Variants in NHSL1 observed in about 807,000 individuals in gnomAD.
NHSL1 encodes the protein NHS like 1, also known as NHS-like protein 1.
NHSL1 carries 48 observed loss-of-function variants against 95.0 expected under a neutral mutation model. The ratio of observed to expected loss-of-function variants is 0.51; its 90% confidence interval spans 0.40 to 0.64. NHSL1 has a LOEUF of 0.64. Among genes scored for constraint, NHSL1 ranks in the 30% least tolerant of loss-of-function variants. The pLI is 0.00. For missense variants in NHSL1, 1,971 were observed against 2,077.7 expected (o/e 0.95, Z 1.00); for synonymous variants, 783 against 833.9 (o/e 0.94, Z 1.05).
intron 5 of NHSL1, among the ~76,000 whole-genome samples, chr6:138,434,491 A>G (rs1379870473): frequency 1.3e-5 from 2 of 152,128 alleles, no homozygotes; most frequent in African/African-American, 2.4e-5. Context: ...CTTTAAGTGT[A>G]AACAGTTAGA....
At chr6:138,573,280 G>A (rs543706366), upstream of NHSL1, among the ~76,000 whole-genome samples, 1 of 152,094 alleles carries the variant, frequency 6.6e-6, no homozygotes. Context: ...ACAATTCCAC[G>A]GTCCTAGGGG....
chr6:138,483,518 AG>A (rs1779547047), intron 2 of NHSL1, among the ~76,000 whole-genome samples: 1 of 152,138 alleles, frequency 6.6e-6, no homozygotes, highest in African/African-American at 2.4e-5. Context: ...AAATGCTTGG[AG>A]GGTTCTTACA....
At chr6:138,539,374 A>T (rs1408079220) in intron 1 of NHSL1, among the ~76,000 whole-genome samples, 2 of 152,226 alleles carry the variant, frequency 1.3e-5, no homozygotes, top group African/African-American at 4.8e-5. Flanking sequence ...ATACCCCTGC[A>T]TACATCTGTA....
In NHSL1 at chr6:138,430,666, C is replaced by T. The variant is rs1266553725; in HGVS notation, c.3679G>A (p.Val1227Met). 1 of 1,551,544 alleles carries T rather than the reference C, an allele frequency of 6.4e-7. No individual in the cohort carries two copies. The highest frequency in any genetic ancestry group is 1.4e-5 in the African/African-American group (1 of 73,064). The change falls in exon 6 of 8, where the codon GTG (valine) becomes ATG (methionine). Residue 1227 changes from valine to methionine, a missense_variant. Val to Met is a conservative substitution (Grantham distance 21). Coordinates refer to ENST00000343505, the MANE Select transcript of NHSL1 (RefSeq NM_001144060.2). This position sits in a 1 kb window ranked among gnomAD's most constrained non-coding sequence, Gnocchi z 4.7. ...AENVSEALRA[V>M]PSPTTGEEGS... ...TCCTCTCCCGTCGTGGGGCTGGGCACAGCTCGGAGGGCTTCGCTCACGTTC... is the reference window on the plus strand; with the variant it reads ...TCCTCTCCCGTCGTGGGGCTGGGCATAGCTCGGAGGGCTTCGCTCACGTTC...
intron 1 of NHSL1, among the ~76,000 whole-genome samples, chr6:138,616,290 T>C (rs1397175876): frequency 6.6e-6 from 1 of 152,166 alleles, no homozygotes; most frequent in African/African-American, 2.4e-5. Flanking sequence ...ATTTTCAAAG[T>C]GTGACTTCAT....
chr6:138,432,653 G>C lies in NHSL1; in HGVS notation c.1692C>G (p.Ser564=). The C allele has an allele frequency of 6.4e-7, 1 of 1,551,712 alleles. No individual in the cohort carries two copies. The highest frequency in any genetic ancestry group is 8.7e-7 in the Non-Finnish European group (1 of 1,146,990). The change falls in exon 6 of 8, where the codon TCC becomes TCG. Residue 564 remains serine, a synonymous_variant. Transcript: ENST00000343505. The surrounding 1 kb of genome is among the most constrained non-coding windows in gnomAD (Gnocchi z 4.4). ...EYKSSGNGRA[S]PLKPHLATPG... ...GAGTTGCTAAATGCGGCTTCAGGGG[G>C]GATGCCCTTCCATTACCTGAGGATT...
At chr6:138,639,863 A>G (rs570915749) in intron 1 of NHSL1, among the ~76,000 whole-genome samples, 18 of 147,006 alleles carry the variant, frequency 1.2e-4, no homozygotes, top group Non-Finnish European at 2.1e-4. Flanking sequence ...TCTCATTCTT[A>G]CAAACCATTT....
chr6:138,670,732 A>T (rs1331632530), intron 1 of NHSL1, among the ~76,000 whole-genome samples: 1 of 152,132 alleles, frequency 6.6e-6, no homozygotes, highest in Non-Finnish European at 1.5e-5. Context: ...GTACATCAAT[A>T]AACTAAAAGC....
At chr6:138,677,410 C>G (rs1341595152) in intron 1 of NHSL1, among the ~76,000 whole-genome samples, 1 of 152,108 alleles carries the variant, frequency 6.6e-6, no homozygotes, top group Non-Finnish European at 1.5e-5. Context: ...AAAGGGAAAT[C>G]AAGAGAGGTT....
rs1183104820 is a variant in NHSL1, at chr6:138,424,070, C to T, written c.*11G>A. On this transcript the variant is annotated 3_prime_UTR_variant, in exon 8 of 8. Transcript: ENST00000343505. The surrounding 1 kb of genome is among the most constrained non-coding windows in gnomAD (Gnocchi z 5.9). ...CCCCCCGTGTCACCTGGGAGAGTTA[C>T]GTTCTTGGCCCTAACTCTCCTCGCT... 8 of 1,363,246 alleles carry T rather than the reference C, an allele frequency of 5.9e-6. No homozygotes were observed. The South Asian group carries it at 6.2e-5, about 11-fold the overall frequency. The allele number at this position is 1,363,246 out of a possible 1,614,324, so 84.4% of individuals were successfully genotyped here.
At position 138,692,451 on chromosome 6, in the gene NHSL1, C is replaced by T; in HGVS notation, c.96+25G>A. ...CCGGGTGCCTCCCCCGCCGGTTCCC[C>T]TCCCCCGGCCCGCCGGCCACTCACG... On this transcript the variant is annotated intron_variant, in intron 1 of 3. Coordinates refer to the NHSL1 transcript ENST00000491526. The surrounding 1 kb of genome is among the most constrained non-coding windows in gnomAD (Gnocchi z 4.0). 1 of 205,524 alleles carries T rather than the reference C, an allele frequency of 4.9e-6. No individual in the cohort carries two copies. Among genetic ancestry groups the T allele is most frequent in the South Asian group, 7.0e-5 (1 of 14,288 alleles). The allele number at this position is 205,524 out of a possible 1,614,324, so 12.7% of individuals were successfully genotyped here.
chr6:138,605,065 A>G (rs6570246), intron 1 of NHSL1, among the ~76,000 whole-genome samples: 1,779 of 152,340 alleles, frequency 0.012, 27 homozygotes, highest in African/African-American at 0.041. Context: ...AAAATAGTAC[A>G]GAGATTGGTA....
chr6:138,545,147 C>T (rs565428994), intron 1 of NHSL1, among the ~76,000 whole-genome samples: 1 of 152,020 alleles, frequency 6.6e-6, no homozygotes, highest in Non-Finnish European at 1.5e-5. Flanking sequence ...CCCGCCACCA[C>T]GCCCAGCCTA....
chr6:138,598,442 A>C (rs1224321130), intron 1 of NHSL1, among the ~76,000 whole-genome samples: 1 of 146,018 alleles, frequency 6.8e-6, no homozygotes, highest in East Asian at 2.0e-4. Context: ...TGGGTGGCAG[A>C]GCAAGACTCC....
At chr6:138,491,188 T>G (rs1273451678) in intron 2 of NHSL1, among the ~76,000 whole-genome samples, 1 of 152,198 alleles carries the variant, frequency 6.6e-6, no homozygotes, top group East Asian at 1.9e-4. Context: ...GAGCTGTGAC[T>G]AGAGAACATT....
chr6:138,439,721 G>C (rs551371010), intron 5 of NHSL1, among the ~76,000 whole-genome samples: 6 of 152,054 alleles, frequency 3.9e-5, no homozygotes, highest in Non-Finnish European at 8.8e-5. Context: ...TCTAATCCAG[G>C]TCATGTCATC....
At chr6:138,615,292 C>T (rs1051370487) in intron 1 of NHSL1, among the ~76,000 whole-genome samples, 1 of 152,216 alleles carries the variant, frequency 6.6e-6, no homozygotes, top group Non-Finnish European at 1.5e-5. Context: ...TACAATGTTG[C>T]TTTCCAGCCC....
intron 1 of NHSL1, among the ~76,000 whole-genome samples, chr6:138,618,624 A>G (rs139446563): frequency 1.1e-3 from 162 of 152,338 alleles, no homozygotes; most frequent in African/African-American, 3.8e-3. Context: ...TTTAACTATG[A>G]TATTCAGAAG....
intron 1 of NHSL1, among the ~76,000 whole-genome samples, chr6:138,602,356 G>GTTTTTC (rs948164335): frequency 2.0e-5 from 3 of 151,702 alleles, no homozygotes; most frequent in Admixed American, 2.0e-4. Flanking sequence ...TTTTGTTTTT[G>GTTTTTC]TTTTGAGACA....
Sources: gnomAD v4.1 joint callset for allele counts (sites outside exome capture counted in the v4.1 genomes callset) on GRCh38, gnomAD v4.1.1 for gene constraint, Gnocchi (gnomAD v3.1) non-coding constraint, MANE v1.5 for transcripts, NCBI Gene and HGNC (gene_info 2026-07-23, HGNC 2026-07-21) for gene names.